LPP: variants seen among roughly 807,000 people sequenced by gnomAD.
LPP encodes LIM domain containing preferred translocation partner in lipoma, also known as lipoma-preferred partner.
LPP carries 38 observed loss-of-function variants against 60.4 expected under a neutral mutation model. That is an observed-to-expected ratio of 0.63 (90% CI 0.49 to 0.83). The LOEUF is 0.83. Among genes scored for constraint, LPP ranks in the 40% least tolerant of loss-of-function variants. The pLI, the probability that LPP is intolerant of heterozygous loss-of-function variation, is 0.00. For missense variants in LPP, 902 were observed against 783.6 expected (o/e 1.15, Z -1.80); for synonymous variants, 328 against 290.8 (o/e 1.13, Z -1.30).
chr3:188,188,183 T>C (rs1324104857), intron 1 of LPP, among the ~76,000 whole-genome samples: 1 of 152,256 alleles, frequency 6.6e-6, no homozygotes, highest in Non-Finnish European at 1.5e-5. Context: ...TGAGGACATA[T>C]GCCAGTTGAC....
chr3:188,706,155 C>T (rs967634718), intron 7 of LPP, among the ~76,000 whole-genome samples: 1 of 152,176 alleles, frequency 6.6e-6, no homozygotes, highest in Non-Finnish European at 1.5e-5. Context: ...CAGAGGAGGT[C>T]CTAAGTTTAA....
chr3:188,492,307 C>A (rs1808610025), intron 5 of LPP, among the ~76,000 whole-genome samples: 1 of 152,156 alleles, frequency 6.6e-6, no homozygotes, highest in Non-Finnish European at 1.5e-5. Context: ...TCTCTCCCAT[C>A]AAGAGTCTTA....
intron 2 of LPP, among the ~76,000 whole-genome samples, chr3:188,324,219 A>T (rs1395617550): frequency 2.0e-5 from 3 of 152,148 alleles, no homozygotes; most frequent in Admixed American, 2.0e-4. Flanking sequence ...TTCCACCAGC[A>T]CCATCTTCTT....
rs1560628658 is a variant in LPP at position 188,607,400 on chromosome 3, TA to T, written c.430-1760del. On this transcript the variant is annotated intron_variant, in intron 6 of 11. Coordinates refer to ENST00000617246, the MANE Select transcript of LPP (RefSeq NM_001375462.1). ...ATATATATATATATATATATATATA[TA>T]TATATATATATATATAATTTTTTTT... 3.2e-3 allele frequency among the ~76,000 whole-genome samples: 179 copies of T among 55,546 alleles called. 9 individuals carry two copies. The highest frequency in any genetic ancestry group is 0.016 in the East Asian group (30 of 1,886). 36.4% of individuals were successfully genotyped at this position (55,546 alleles called of 152,430 possible).
At chr3:188,265,518 G>T (rs1243081044) in intron 2 of LPP, among the ~76,000 whole-genome samples, 1 of 152,190 alleles carries the variant, frequency 6.6e-6, no homozygotes, top group East Asian at 1.9e-4. Context: ...GCTACAGAGT[G>T]ATCAATGCTA....
chr3:188,307,412 C>G (rs199906007), intron 2 of LPP, among the ~76,000 whole-genome samples: 5 of 152,058 alleles, frequency 3.3e-5, no homozygotes, highest in Non-Finnish European at 7.4e-5. Context: ...GCTGTTTTTT[C>G]GAAAGCCTCA....
intron 2 of LPP, among the ~76,000 whole-genome samples, chr3:188,340,281 A>C (rs559487768): frequency 6.6e-6 from 1 of 152,280 alleles, no homozygotes; most frequent in South Asian, 2.1e-4. Flanking sequence ...TTTGAGACAT[A>C]ATGGTCATTG....
intron 8 of LPP, among the ~76,000 whole-genome samples, chr3:188,741,633 T>G (rs1335384469): frequency 6.6e-6 from 1 of 151,774 alleles, no homozygotes; most frequent in Non-Finnish European, 1.5e-5. Context: ...CTTGCACATA[T>G]TATGGAACAA....
intron 9 of LPP, among the ~76,000 whole-genome samples, chr3:188,781,596 C>G (rs560971730): frequency 6.6e-6 from 1 of 151,890 alleles, no homozygotes; most frequent in African/African-American, 2.4e-5. Context: ...AAAACTATCA[C>G]CCCCTGCCTC....
chr3:188,818,185 A>G (rs78565199), intron 9 of LPP, among the ~76,000 whole-genome samples: 2,269 of 152,296 alleles, frequency 0.015, 59 homozygotes, highest in African/African-American at 0.052. Flanking sequence ...CAGCAAGTTC[A>G]TGGTTTTCTG....
At chr3:188,666,330 A>C (rs1855793081) in intron 7 of LPP, among the ~76,000 whole-genome samples, 1 of 152,208 alleles carries the variant, frequency 6.6e-6, no homozygotes, top group African/African-American at 2.4e-5. Flanking sequence ...ATAGTATTAT[A>C]TTTATTATGT....
At chr3:188,389,096 A>C (rs532984256) in intron 3 of LPP, among the ~76,000 whole-genome samples, 3 of 151,854 alleles carry the variant, frequency 2.0e-5, no homozygotes, top group South Asian at 4.2e-4. Context: ...TATTTCCCTG[A>C]TTATTATTTA....
intron 1 of LPP, among the ~76,000 whole-genome samples, chr3:188,207,866 G>A (rs929847792): frequency 5.8e-4 from 88 of 152,120 alleles, no homozygotes; most frequent in African/African-American, 2.1e-3. Flanking sequence ...GAGGGATTCT[G>A]CAGAACTCAT....
intron 9 of LPP, among the ~76,000 whole-genome samples, chr3:188,775,499 C>T (rs1190742652): frequency 6.6e-6 from 1 of 152,150 alleles, no homozygotes; most frequent in African/African-American, 2.4e-5. Context: ...TGCTAGATGT[C>T]ATCTCATTTT....
At chr3:188,303,934 C>G (rs1453730473) in intron 2 of LPP, among the ~76,000 whole-genome samples, 1 of 152,110 alleles carries the variant, frequency 6.6e-6, no homozygotes, top group Non-Finnish European at 1.5e-5. Context: ...CTAGTATCAA[C>G]TAGTAATTGC....
At chr3:188,231,789 A>G (rs1392553359) in intron 2 of LPP, among the ~76,000 whole-genome samples, 1 of 152,166 alleles carries the variant, frequency 6.6e-6, no homozygotes, top group Non-Finnish European at 1.5e-5. Flanking sequence ...CCTGTCCCAG[A>G]AACAGATTAG....
At chr3:188,707,424 A>ATTT (rs1865702319) in intron 7 of LPP, among the ~76,000 whole-genome samples, 1 of 152,154 alleles carries the variant, frequency 6.6e-6, no homozygotes, top group East Asian at 1.9e-4. Flanking sequence ...GGCCGCGCCA[A>ATTT]AGCCCCAAAG....
At chr3:188,523,345 T>C (rs1176252732) in intron 5 of LPP, among the ~76,000 whole-genome samples, 13 of 152,120 alleles carry the variant, frequency 8.5e-5, no homozygotes, top group Non-Finnish European at 1.5e-5. Flanking sequence ...CCAGGAAGGA[T>C]TAACTCAAGC....
chr3:188,297,519 G>A (rs558825217), intron 2 of LPP, among the ~76,000 whole-genome samples: 4 of 152,326 alleles, frequency 2.6e-5, no homozygotes, highest in African/African-American at 9.6e-5. Flanking sequence ...GTACAAATGA[G>A]AGACTATATG....
Sources: gnomAD v4.1 joint callset for allele counts (sites outside exome capture counted in the v4.1 genomes callset) on GRCh38, gnomAD v4.1.1 for gene constraint, MANE v1.5 for transcripts, NCBI Gene and HGNC (gene_info 2026-07-23, HGNC 2026-07-21) for gene names.